ATXN1: variants seen among roughly 807,000 people sequenced by gnomAD.
ATXN1 encodes ataxin 1.
A neutral mutation model predicts 56.4 loss-of-function variants in ATXN1; 8 were observed. That is an observed-to-expected ratio of 0.14 (90% CI 0.08 to 0.26). The LOEUF is 0.26. Among genes scored for constraint, ATXN1 ranks in the 10% least tolerant of loss-of-function variants. The pLI is 1.00. For missense variants in ATXN1, 987 were observed against 1,106.5 expected (o/e 0.89, Z 1.53); for synonymous variants, 514 against 494.6 (o/e 1.04, Z -0.52).
At chr6:16,357,430 C>A (rs894797413) in intron 6 of ATXN1, among the ~76,000 whole-genome samples, 1 of 151,776 alleles carries the variant, frequency 6.6e-6, no homozygotes, top group African/African-American at 2.4e-5. Context: ...CCACCATGCC[C>A]GGCTAATTTT....
At chr6:16,424,391 TG>T (rs1759105482) in intron 6 of ATXN1, among the ~76,000 whole-genome samples, 3 of 152,182 alleles carry the variant, frequency 2.0e-5, no homozygotes, top group African/African-American at 7.2e-5. Context: ...AGGTTTCCTA[TG>T]GGGAAGTCTG....
At position 16,748,712 on chromosome 6, in the gene ATXN1, G is replaced by A. The variant is rs542343111; in HGVS notation, c.-615+4521C>T. ...AAATAATTGCAGACAAGAACGATCT[G>A]CCCCTGGAGTTGTTTGCTCCATCCC... On this transcript the variant is annotated intron_variant, in intron 2 of 7. Coordinates refer to ENST00000436367, the MANE Select transcript of ATXN1 (RefSeq NM_001128164.2). Among the ~76,000 whole-genome samples the A allele has an allele frequency of 2.0e-5, 3 of 152,210 alleles. No individual in the cohort carries two copies. The East Asian group carries it at 5.8e-4, about 29-fold the overall frequency.
intron 2 of ATXN1, among the ~76,000 whole-genome samples, chr6:16,711,971 T>TAATG (rs564376664): frequency 2.4e-5 from 2 of 84,430 alleles, no homozygotes; most frequent in African/African-American, 1.1e-4. Context: ...TACGAAAAAG[T>TAATG]ACTGACTGAT....
At chr6:16,334,670 T>C (rs1761076600) in intron 6 of ATXN1, among the ~76,000 whole-genome samples, 1 of 152,136 alleles carries the variant, frequency 6.6e-6, no homozygotes, top group African/African-American at 2.4e-5. Flanking sequence ...TGAGCCATGA[T>C]TGCTCCACTG....
chr6:16,676,850 T>C (rs982624425), intron 2 of ATXN1, among the ~76,000 whole-genome samples: 1 of 152,106 alleles, frequency 6.6e-6, no homozygotes, highest in Non-Finnish European at 1.5e-5. Context: ...AAGAAAAGTG[T>C]TACATCAACA....
chr6:16,596,868 T>C (rs1393008236), intron 3 of ATXN1, among the ~76,000 whole-genome samples: 2 of 152,152 alleles, frequency 1.3e-5, no homozygotes, highest in Non-Finnish European at 2.9e-5. Flanking sequence ...GCATTTACTA[T>C]AAGATCTTGC....
chr6:16,390,614 T>G (rs917827997), intron 6 of ATXN1, among the ~76,000 whole-genome samples: 5 of 152,040 alleles, frequency 3.3e-5, no homozygotes, highest in Non-Finnish European at 7.4e-5. Context: ...TGATGATCCG[T>G]GGTAGTGGCG....
intron 3 of ATXN1, among the ~76,000 whole-genome samples, chr6:16,629,020 C>T (rs1207590671): frequency 6.6e-6 from 1 of 152,150 alleles, no homozygotes; most frequent in Non-Finnish European, 1.5e-5. Context: ...GGTAGTTCTG[C>T]TTTTAGCTCT....
At chr6:16,660,041 G>A (rs938273956) in intron 2 of ATXN1, among the ~76,000 whole-genome samples, 7 of 152,016 alleles carry the variant, frequency 4.6e-5, no homozygotes, top group African/African-American at 7.3e-5. Flanking sequence ...GTGATTTATC[G>A]CTGACCTTCA....
At chr6:16,716,229 C>CT (rs5874575) in intron 2 of ATXN1, among the ~76,000 whole-genome samples, 98,005 of 151,994 alleles carry the variant, frequency 0.64, 32,139 homozygotes, top group East Asian at 0.85. Context: ...GTCTTAGCCC[C>CT]AGCCCCATCC....
At chr6:16,360,386 A>AT (rs1561866773) in intron 6 of ATXN1, among the ~76,000 whole-genome samples, 3 of 152,230 alleles carry the variant, frequency 2.0e-5, no homozygotes, top group African/African-American at 7.2e-5. Context: ...GTAAATTTGC[A>AT]TTATTATTTT....
chr6:16,681,352 T>C (rs977544662), intron 2 of ATXN1, among the ~76,000 whole-genome samples: 2 of 152,230 alleles, frequency 1.3e-5, no homozygotes, highest in Admixed American at 6.5e-5. Flanking sequence ...GCCTGCAGTG[T>C]AGGGTGACGC....
chr6:16,712,519 C>T (rs1759547481), intron 2 of ATXN1, among the ~76,000 whole-genome samples: 1 of 152,086 alleles, frequency 6.6e-6, no homozygotes, highest in African/African-American at 2.4e-5. Context: ...GAACTGAACG[C>T]AAGAAGTAGA....
At chr6:16,356,542 A>G (rs1420977155) in intron 6 of ATXN1, among the ~76,000 whole-genome samples, 4 of 152,144 alleles carry the variant, frequency 2.6e-5, no homozygotes, top group South Asian at 2.1e-4. Flanking sequence ...GTGTTTTTCA[A>G]TTTTCCTTGG....
intron 3 of ATXN1, among the ~76,000 whole-genome samples, chr6:16,589,592 G>T (rs947072974): frequency 2.6e-5 from 4 of 152,050 alleles, no homozygotes; most frequent in Admixed American, 2.0e-4. Flanking sequence ...TGTGAAACGG[G>T]CTAATAACAC....
At chr6:16,323,810 G>C (rs113176122) in intron 7 of ATXN1, among the ~76,000 whole-genome samples, 3,525 of 152,246 alleles carry the variant, frequency 0.023, 121 homozygotes, top group African/African-American at 0.079. Context: ...AGTCAACTTT[G>C]CTCAAGGTAG....
intron 6 of ATXN1, among the ~76,000 whole-genome samples, chr6:16,478,275 G>C (rs1039513335): frequency 4.6e-5 from 7 of 152,194 alleles, no homozygotes; most frequent in Non-Finnish European, 1.0e-4. Context: ...ACTAGCTTTA[G>C]ATAGGAGCTG....
chr6:16,709,664 C>A (rs565150709), intron 2 of ATXN1, among the ~76,000 whole-genome samples: 48 of 152,112 alleles, frequency 3.2e-4, no homozygotes, highest in Non-Finnish European at 5.9e-4. Context: ...TACATAAATT[C>A]TTTCAGAAAA....
chr6:16,444,358 A>T (rs1759591361), intron 6 of ATXN1, among the ~76,000 whole-genome samples: 1 of 152,200 alleles, frequency 6.6e-6, no homozygotes, highest in South Asian at 2.1e-4. Context: ...CCTGGAACAT[A>T]GTGTTATACT....
Sources: gnomAD v4.1 joint callset for allele counts (sites outside exome capture counted in the v4.1 genomes callset) on GRCh38, gnomAD v4.1.1 for gene constraint, MANE v1.5 for transcripts, NCBI Gene and HGNC (gene_info 2026-07-23, HGNC 2026-07-21) for gene names.